NCR1: variants seen among roughly 807,000 people sequenced by gnomAD.
NCR1 encodes the protein NK cell-activating receptor.
In NCR1, 30 loss-of-function variants were observed where a neutral mutation model predicts 32.5. The ratio of observed to expected loss-of-function variants is 0.92; its 90% confidence interval spans 0.69 to 1.25. The LOEUF is 1.25. Ranked by LOEUF, NCR1 falls within the 50% of genes most tolerant of loss-of-function variation. The pLI, the probability that NCR1 is intolerant of heterozygous loss-of-function variation, is 0.00. For missense variants in NCR1, 369 were observed against 380.7 expected, an observed-to-expected ratio of 0.97 and a Z score of 0.26; for synonymous variants, 169 against 143.4, an observed-to-expected ratio of 1.18 and a Z score of -1.28.
the NCR1 span, chr19:54,936,221 G>C: frequency 3.9e-5 from 62 of 1,578,012 alleles, no homozygotes; most frequent in Middle Eastern, 6.7e-4. Flanking sequence ...CGGTGCAGTG[G>C]ACTCCAGGTG....
At chr19:54,911,358 G>A (rs12460976) in intron 5 of NCR1, among the ~76,000 whole-genome samples, 84,120 of 129,204 alleles carry the variant, frequency 0.65, 29,252 homozygotes, top group Non-Finnish European at 0.81. Flanking sequence ...CAAAAAAAAA[G>A]AAAAAGAAAA....
At chr19:54,903,415 C>CATGTAT (rs2067354901), upstream of NCR1, among the ~76,000 whole-genome samples, 1 of 130,586 alleles carries the variant, frequency 7.7e-6, no homozygotes, top group East Asian at 2.4e-4. Flanking sequence ...TGTATACACG[C>CATGTAT]ATACATGTAT....
downstream of NCR1, among the ~76,000 whole-genome samples, chr19:54,919,714 A>ACCCCCC (rs58529355): frequency 5.6e-4 from 56 of 100,044 alleles, no homozygotes; most frequent in Admixed American, 1.3e-3. Flanking sequence ...GGAAAGGGAG[A>ACCCCCC]CCCCCCCCCC....
At chr19:54,902,232 GA>G (rs2067313205), upstream of NCR1, among the ~76,000 whole-genome samples, 1 of 152,078 alleles carries the variant, frequency 6.6e-6, no homozygotes, top group Admixed American at 6.6e-5. Context: ...GGGAGAGGGA[GA>G]GAGGCTGAAT....
At chr19:54,914,737 A>T (rs1224075034), downstream of NCR1, among the ~76,000 whole-genome samples, 1 of 141,052 alleles carries the variant, frequency 7.1e-6, no homozygotes, top group African/African-American at 2.6e-5. Flanking sequence ...CTTCACAAAG[A>T]TAGCACTTTT....
At chr19:54,921,961 A>G in the NCR1 span, among the ~76,000 whole-genome samples, 2 of 151,438 alleles carry the variant, frequency 1.3e-5, no homozygotes, top group Non-Finnish European at 2.9e-5. Flanking sequence ...CAGTGGCACA[A>G]TCTCAGCTCA....
the NCR1 span, among the ~76,000 whole-genome samples, chr19:54,927,017 GAGA>G: frequency 3.3e-5 from 5 of 151,932 alleles, no homozygotes; most frequent in Admixed American, 2.0e-4. Flanking sequence ...TTCAACCTGT[GAGA>G]AGGAGGCTGC....
At chr19:54,904,816 G>A (rs587652729), upstream of NCR1, among the ~76,000 whole-genome samples, 1 of 152,312 alleles carries the variant, frequency 6.6e-6, no homozygotes, top group East Asian at 1.9e-4. Flanking sequence ...ACAGGCCTGA[G>A]CCACCGTGTC....
At chr19:54,910,524 G>A (rs956723918) in intron 5 of NCR1, among the ~76,000 whole-genome samples, 4 of 152,042 alleles carry the variant, frequency 2.6e-5, no homozygotes, top group East Asian at 3.9e-4. Context: ...AGCTGAGATC[G>A]CGCCACTGCA....
chr19:54,933,584 T>C, the NCR1 span: 1 of 1,614,176 alleles, frequency 6.2e-7, no homozygotes, highest in South Asian at 1.1e-5. Flanking sequence ...GGTCTGCAGT[T>C]TACAATCAGG....
intron 4 of NCR1, among the ~76,000 whole-genome samples, 160 bp downstream of exon 4, chr19:54,909,683 G>A (rs1287628334): frequency 6.6e-6 from 1 of 152,064 alleles, no homozygotes; most frequent in Non-Finnish European, 1.5e-5. Flanking sequence ...GAAGGAGGAG[G>A]GAACAGAGAA....
rs200796519 is a variant in NCR1, at chr19:54,909,312, C to T, written c.423C>T (p.Thr141=). 170 of 1,614,106 alleles carry T rather than the reference C, an allele frequency of 1.1e-4. No individual in the cohort carries two copies. The South Asian group carries it at 1.4e-3, about 14-fold the overall frequency. Residue 141 remains threonine (T), a synonymous_variant, in exon 4 of 7, where the codon ACC becomes ACT. Transcript: ENST00000291890. The part of the protein sequence containing the change: ...GPEVISGEKV[T]FYCRLDTATS... The stretch of plus-strand genomic sequence containing the variant: ...AAGTGATCTCGGGAGAGAAGGTGAC[C>T]TTCTACTGCCGTCTAGACACTGCAA...
At chr19:54,912,468 G>A (rs551123121) in intron 6 of NCR1, among the ~76,000 whole-genome samples, 4 of 151,924 alleles carry the variant, frequency 2.6e-5, no homozygotes, top group African/African-American at 4.8e-5. Context: ...GCGTGGTGGC[G>A]TGTGCCTGTA....
At chr19:54,901,380 A>AC (rs2067299375), upstream of NCR1, among the ~76,000 whole-genome samples, 1 of 138,882 alleles carries the variant, frequency 7.2e-6, no homozygotes, top group Non-Finnish European at 1.6e-5. Context: ...AAAAAAAAAA[A>AC]AAAAGATTAG....
chr19:54,936,014 A>G, the NCR1 span, among the ~76,000 whole-genome samples: 5 of 152,268 alleles, frequency 3.3e-5, no homozygotes, highest in Non-Finnish European at 7.4e-5. Flanking sequence ...CAGGAATAGC[A>G]TGTCCCTAAA....
At chr19:54,922,139 C>T in the NCR1 span, among the ~76,000 whole-genome samples, 1 of 151,948 alleles carries the variant, frequency 6.6e-6, no homozygotes, top group East Asian at 2.0e-4. Context: ...GTGATCCGCC[C>T]GCCTCGGCCT....
the NCR1 span, among the ~76,000 whole-genome samples, chr19:54,937,489 C>G: frequency 6.6e-6 from 1 of 151,638 alleles, no homozygotes; most frequent in Admixed American, 6.6e-5. Context: ...GTCAGGAGTT[C>G]GAGACAAGCC....
At chr19:54,912,089 TG>T in intron 5 of NCR1, 78 bp from the exon 6 acceptor site, 1 of 1,259,880 alleles carries the variant, frequency 7.9e-7, no homozygotes, top group Non-Finnish European at 1.2e-6. Flanking sequence ...CAGAACGTCA[TG>T]GGGTAGACCC....
chr19:54,934,568 C>G, the NCR1 span: 5 of 1,613,940 alleles, frequency 3.1e-6, no homozygotes, highest in Non-Finnish European at 3.4e-6. This position sits in a 1 kb window ranked among gnomAD's most constrained non-coding sequence, Gnocchi z 6.7. Flanking sequence ...AGCACATTGG[C>G]TGAGAGACGC....
Sources: gnomAD v4.1 joint callset for allele counts (sites outside exome capture counted in the v4.1 genomes callset) on GRCh38, gnomAD v4.1.1 for gene constraint, Gnocchi (gnomAD v3.1) non-coding constraint, MANE v1.5 for transcripts, NCBI Gene and HGNC (gene_info 2026-07-23, HGNC 2026-07-21) for gene names.